ANKRD62: variants seen among roughly 807,000 people sequenced by gnomAD.
The protein encoded by ANKRD62 is ankyrin repeat domain 62.
Under a neutral mutation model 98.8 loss-of-function variants are expected in ANKRD62, and 61 were observed. The ratio of observed to expected loss-of-function variants is 0.62; its 90% CI spans 0.50 to 0.76. ANKRD62 has a LOEUF of 0.76. Ranked by LOEUF, ANKRD62 falls within the 30% of genes least tolerant of loss-of-function variation. The probability of loss-of-function intolerance (pLI) is 0.00; values close to 1 mark genes in which losing one functional copy is unlikely to be tolerated. For synonymous variants in ANKRD62, 341 were observed against 367.9 expected, an observed-to-expected ratio of 0.93 and a Z score of 0.84; for missense variants, 933 against 1,082.9, an observed-to-expected ratio of 0.86 and a Z score of 1.94.
chr18:12,119,862 G>T (rs1909748366), intron 10 of ANKRD62, among the ~76,000 whole-genome samples: 1 of 151,912 alleles, frequency 6.6e-6, no homozygotes, highest in African/African-American at 2.4e-5. Flanking sequence ...AAGTGCAGTT[G>T]TTGCTGCATT....
the ANKRD62 span, among the ~76,000 whole-genome samples, chr18:12,136,126 T>C: frequency 6.6e-6 from 1 of 152,178 alleles, no homozygotes; most frequent in Non-Finnish European, 1.5e-5. Flanking sequence ...CCCATGCCTA[T>C]GTCCTGAATG....
At chr18:12,179,686 C>G in the ANKRD62 span, among the ~76,000 whole-genome samples, 1 of 150,162 alleles carries the variant, frequency 6.7e-6, no homozygotes, top group East Asian at 2.0e-4. Context: ...TTGTAGGATA[C>G]CCAAACAACC....
intron 7 of ANKRD62, among the ~76,000 whole-genome samples, 160 bp downstream of exon 7, chr18:12,103,388 G>C (rs1438396187): frequency 6.6e-6 from 1 of 152,072 alleles, no homozygotes; most frequent in Non-Finnish European, 1.5e-5. Flanking sequence ...AGTGTTCTAA[G>C]AATCTACAGT....
chr18:12,136,493 G>A, the ANKRD62 span, among the ~76,000 whole-genome samples: 2 of 152,170 alleles, frequency 1.3e-5, no homozygotes, highest in Non-Finnish European at 2.9e-5. Context: ...CTCCAGCTTT[G>A]TTCTTTAGGC....
the ANKRD62 span, among the ~76,000 whole-genome samples, chr18:12,136,583 A>G: frequency 6.6e-6 from 1 of 152,176 alleles, no homozygotes; most frequent in South Asian, 2.1e-4. Flanking sequence ...CTGTGAAGAA[A>G]GTCATTGGTA....
At chr18:12,095,135 A>G in intron 1 of ANKRD62, 36 bp from the exon 2 acceptor site, 1 of 1,454,254 alleles carries the variant, frequency 6.9e-7, no homozygotes, top group Non-Finnish European at 9.3e-7. Flanking sequence ...GGGACTGTGC[A>G]CTACAATTGC....
In ANKRD62 at chr18:12,095,446, T is replaced by C; in HGVS notation, c.343T>C (p.Cys115Arg). 3.2e-6 allele frequency: 5 copies of C among 1,571,672 alleles called. No individual in the cohort carries two copies. The highest frequency in any genetic ancestry group is 4.3e-6 in the Non-Finnish European group (5 of 1,163,628). The stretch of plus-strand genomic sequence containing the variant: ...GGTCTAATACTGACAGGCTGTACAA[T>C]GTCAAGAAGAAGTTTGTGCATCCAT... ...NRTALIKAVQCQEEVCASILL... is the reference protein window; with the variant it reads ...NRTALIKAVQRQEEVCASILL... The change falls in exon 3 of 14, where the codon TGT becomes CGT. Residue 115 changes from cysteine to arginine, a missense_variant. Coordinates refer to ENST00000587848, the MANE Select transcript of ANKRD62 (RefSeq NM_001277333.2).
chr18:12,125,894 A>C lies in ANKRD62; in HGVS notation c.2073A>C (p.Leu691Phe). ...FQSTVNEWCHLQEDTNSHIQI... is the reference protein window; with the variant it reads ...FQSTVNEWCHFQEDTNSHIQI... Reference sequence around the variant, plus strand: ...GCACAGTGAATGAATGGTGTCATTTACAAGAAGACACTAATTCTCACATTC... The same window carrying C: ...GCACAGTGAATGAATGGTGTCATTTCCAAGAAGACACTAATTCTCACATTC... The change falls in exon 13 of 14, where the codon TTA (leucine) becomes TTC (phenylalanine). Residue 691 changes from leucine (L) to phenylalanine (F), a missense_variant. Transcript: ENST00000587848. 1.3e-6 allele frequency: 2 copies of C among 1,542,116 alleles called. No homozygotes were observed. The highest frequency in any genetic ancestry group is 1.7e-6 in the Non-Finnish European group (2 of 1,147,004).
In ANKRD62 at chr18:12,097,491, T is replaced by C. The variant is rs926411220; in HGVS notation, c.615-149T>C. On this transcript the variant is annotated intron_variant, in intron 4 of 13. Transcript: ENST00000587848. The stretch of plus-strand genomic sequence containing the variant: ...GGTGGCAATTTACAAAGATGAACCC[T>C]TGAGCACCCAAGATGTTTGTGTTTA... The C allele has an allele frequency of 8.1e-6, 7 of 864,482 alleles. No individual in the cohort carries two copies. The African/African-American group carries it at 1.2e-4, about 15-fold the overall frequency. 53.6% of individuals were successfully genotyped at this position (864,482 alleles called of 1,614,324 possible). A position where few individuals can be genotyped will look rare whatever the true frequency, so the allele number is the denominator to read the frequency against.
At chr18:12,144,881 C>G in the ANKRD62 span, among the ~76,000 whole-genome samples, 6 of 124,402 alleles carry the variant, frequency 4.8e-5, no homozygotes, top group Non-Finnish European at 6.8e-5. Flanking sequence ...CGGTGGCTCA[C>G]CCCTGTAATC....
chr18:12,168,618 G>A, the ANKRD62 span, among the ~76,000 whole-genome samples: 1 of 152,168 alleles, frequency 6.6e-6, no homozygotes, highest in African/African-American at 2.4e-5. Context: ...GGCAATGAAG[G>A]CTCTTCTTTC....
the ANKRD62 span, among the ~76,000 whole-genome samples, chr18:12,173,629 A>T: frequency 6.6e-6 from 1 of 152,300 alleles, no homozygotes; most frequent in East Asian, 1.9e-4. Context: ...AGTGGCTGGT[A>T]ACAATCTTTT....
At chr18:12,131,885 T>C (rs1304220694), downstream of ANKRD62, among the ~76,000 whole-genome samples, 1 of 152,196 alleles carries the variant, frequency 6.6e-6, no homozygotes, top group East Asian at 1.9e-4. Context: ...TGGATTGTAT[T>C]TTTCCTCTAA....
the ANKRD62 span, among the ~76,000 whole-genome samples, chr18:12,153,026 G>A: frequency 5.8e-4 from 88 of 152,294 alleles, no homozygotes; most frequent in Non-Finnish European, 1.2e-3. Context: ...GTCAAGATGA[G>A]AACGAAATCA....
chr18:12,157,934 T>A, the ANKRD62 span, among the ~76,000 whole-genome samples: 1 of 152,208 alleles, frequency 6.6e-6, no homozygotes, highest in East Asian at 1.9e-4. Flanking sequence ...GGTGAACCCC[T>A]TATGTTCTTG....
the ANKRD62 span, among the ~76,000 whole-genome samples, chr18:12,159,240 A>G: frequency 4.7e-4 from 71 of 152,314 alleles, no homozygotes; most frequent in African/African-American, 1.5e-3. Context: ...ATAGTCAGGG[A>G]CACAGTAGTT....
intron 10 of ANKRD62, among the ~76,000 whole-genome samples, chr18:12,118,124 G>A (rs1909705136): frequency 6.6e-6 from 1 of 152,108 alleles, no homozygotes; most frequent in South Asian, 2.1e-4. Context: ...TACATCGTAT[G>A]GGTTTGGTCT....
intron 11 of ANKRD62, 80 bp downstream of exon 11, chr18:12,122,596 T>TA: frequency 8.3e-7 from 1 of 1,212,100 alleles, no homozygotes; most frequent in South Asian, 1.7e-5. Flanking sequence ...ATAGCTGACT[T>TA]ACCTTCTAGG....
At chr18:12,122,942 A>G (rs918617947) in intron 11 of ANKRD62, among the ~76,000 whole-genome samples, 1 of 152,144 alleles carries the variant, frequency 6.6e-6, no homozygotes, top group Admixed American at 6.5e-5. Context: ...AATATTACTA[A>G]GTTGTTCTTA....
Sources: gnomAD v4.1 joint callset for allele counts (sites outside exome capture counted in the v4.1 genomes callset) on GRCh38, gnomAD v4.1.1 for gene constraint, MANE v1.5 for transcripts, NCBI Gene and HGNC (gene_info 2026-07-23, HGNC 2026-07-21) for gene names.